ANKRD17: variants seen among roughly 807,000 people sequenced by gnomAD.
ANKRD17 encodes ankyrin repeat domain 17, also known as ankyrin repeat domain-containing protein 17.
In ANKRD17, 19 loss-of-function variants were observed where a neutral mutation model predicts 229.7. The ratio of observed to expected loss-of-function variants is 0.08; its 90% CI spans 0.06 to 0.12. The LOEUF is 0.12. Among genes scored for constraint, ANKRD17 ranks in the 10% least tolerant of loss-of-function variants. The pLI is 1.00. For missense variants in ANKRD17, 2,176 were observed against 3,176.8 expected (o/e 0.68, Z 7.57); for synonymous variants, 1,112 against 1,146.1 (o/e 0.97, Z 0.60).
chr4:73,217,765 C>T (rs1470136649), intron 1 of ANKRD17, among the ~76,000 whole-genome samples: 5 of 151,952 alleles, frequency 3.3e-5, no homozygotes, highest in African/African-American at 4.8e-5. Flanking sequence ...TTTTCATGCA[C>T]GAAACTACTA....
Position 73,221,468 on chromosome 4 carries a change from T to C in ANKRD17, c.393+36808A>G, listed in dbSNP as rs115398628. On this transcript the variant is annotated intron_variant, in intron 1 of 33. Coordinates refer to ENST00000358602, the MANE Select transcript of ANKRD17 (RefSeq NM_032217.5). Reference sequence around the variant, plus strand: ...TGAAGTTTTAAATGGCTAAGAAAAATTGTCAAATAGATTTATCAAAATCTC... The same window carrying C: ...TGAAGTTTTAAATGGCTAAGAAAAACTGTCAAATAGATTTATCAAAATCTC... 6.2e-3 allele frequency among the ~76,000 whole-genome samples: 938 copies of C among 152,124 alleles called. 11 individuals carry two copies. Among genetic ancestry groups the C allele is most frequent in the African/African-American group, 0.019 (780 of 41,510 alleles).
chr4:73,142,883 A>AT (rs1300438593), intron 11 of ANKRD17, 116 bp from the exon 12 acceptor site: 2 of 1,136,498 alleles, frequency 1.8e-6, no homozygotes, highest in East Asian at 5.4e-5. Flanking sequence ...CCACATACCC[A>AT]TTACCGAGCT....
chr4:73,130,606 A>T (rs4437217), intron 16 of ANKRD17, among the ~76,000 whole-genome samples: 53,542 of 142,060 alleles, frequency 0.38, 11,107 homozygotes, highest in Admixed American at 0.5. Flanking sequence ...TTCTATAAAG[A>T]TCTATTTTTT....
At chr4:73,138,349 CAT>C (rs776075600) in intron 15 of ANKRD17, among the ~76,000 whole-genome samples, 12 of 152,044 alleles carry the variant, frequency 7.9e-5, no homozygotes, top group Non-Finnish European at 1.5e-4. Flanking sequence ...TTTCATTCCA[CAT>C]GTTATAACTA....
In ANKRD17 at chr4:73,094,243, T is replaced by A. The variant is rs1723063677; in HGVS notation, c.5178-15A>T. ...CTTTCTTTGACCTGTTTAAAAGTTG[T>A]ATATATAAATTAAGATTAGTCATTA... On this transcript the variant is annotated splice_polypyrimidine_tract_variant and intron_variant, in intron 27 of 33. Coordinates refer to ENST00000358602, the MANE Select transcript of ANKRD17 (RefSeq NM_032217.5). The A allele has an allele frequency of 1.2e-6, 2 of 1,602,346 alleles. No individual in the cohort carries two copies. The highest frequency in any genetic ancestry group is 1.7e-6 in the Non-Finnish European group (2 of 1,171,304).
At chr4:73,183,837 G>A (rs1735911624) in intron 1 of ANKRD17, among the ~76,000 whole-genome samples, 1 of 152,042 alleles carries the variant, frequency 6.6e-6, no homozygotes, top group Admixed American at 6.5e-5. Context: ...AAAGACTAAA[G>A]GTGATGACAT....
Position 73,091,440 on chromosome 4 carries a change from C to T in ANKRD17, c.6188G>A (p.Cys2063Tyr). The T allele has an allele frequency of 6.2e-7, 1 of 1,614,194 alleles. No individual in the cohort carries two copies. Among genetic ancestry groups the T allele is most frequent in the Non-Finnish European group, 8.5e-7 (1 of 1,180,032 alleles). Residue 2063 changes from cysteine to tyrosine, a missense_variant, in exon 29 of 34, where the codon TGT (cysteine) becomes TAT (tyrosine). Transcript: ENST00000358602. ...CACTTTATTTGGAGATGCTGATCCA[C>T]AATCCAAAGGGCTGTTTCTAGAAAC... is the stretch of plus-strand genomic sequence containing the variant. ...GGVSRNSPLDCGSASPNKVAS... is the reference protein window; with the variant it reads ...GGVSRNSPLDYGSASPNKVAS...
At position 73,133,908 on chromosome 4, in the gene ANKRD17, A is replaced by T. The variant is rs577932413; in HGVS notation, c.3234+1209T>A. Among the ~76,000 whole-genome samples the T allele has an allele frequency of 9.8e-5, 15 of 152,318 alleles. No homozygotes were observed. The South Asian group carries it at 3.1e-3, about 32-fold the overall frequency. ...CCAGCCCTGCCGCTTCTTAGCCTAA[A>T]TGAAGTGACTAAACAAAATGCTTAA... On this transcript the variant is annotated intron_variant, in intron 16 of 33. Coordinates refer to ENST00000358602, the MANE Select transcript of ANKRD17 (RefSeq NM_032217.5).
chr4:73,157,724 T>G (rs1229974966), intron 3 of ANKRD17, among the ~76,000 whole-genome samples: 1 of 152,144 alleles, frequency 6.6e-6, no homozygotes, highest in Non-Finnish European at 1.5e-5. Flanking sequence ...CCAGTCTCCT[T>G]GCCTTCACAC....
At chr4:73,110,400 G>C (rs187232347) in intron 24 of ANKRD17, among the ~76,000 whole-genome samples, 3 of 152,154 alleles carry the variant, frequency 2.0e-5, no homozygotes, top group African/African-American at 4.8e-5. Context: ...TGGCCAGGCC[G>C]GATTTGAATT....
rs1269953625 is a variant in ANKRD17, at chr4:73,186,680, A to G, written c.394-9147T>C. On this transcript the variant is annotated intron_variant, in intron 1 of 33. Coordinates refer to ENST00000358602, the MANE Select transcript of ANKRD17 (RefSeq NM_032217.5). ...TTGAGTATGACATTACTAACAATTCAATATAAAATTTTTAACATAAACTTT... is the reference window on the plus strand; with the variant it reads ...TTGAGTATGACATTACTAACAATTCGATATAAAATTTTTAACATAAACTTT... Among the ~76,000 whole-genome samples the G allele has an allele frequency of 4.6e-5, 7 of 152,180 alleles. No homozygotes were observed. In the East Asian group the frequency reaches 1.3e-3, roughly 29 times the overall value.
intron 28 of ANKRD17, among the ~76,000 whole-genome samples, chr4:73,092,547 A>T (rs1330435583): frequency 6.6e-6 from 1 of 152,186 alleles, no homozygotes; most frequent in Non-Finnish European, 1.5e-5. Flanking sequence ...ATAGTAAATG[A>T]CTTATTTTTC....
intron 1 of ANKRD17, among the ~76,000 whole-genome samples, chr4:73,191,291 G>C (rs1368358842): frequency 6.7e-6 from 1 of 148,190 alleles, no homozygotes; most frequent in African/African-American, 2.5e-5. Context: ...AACTATTTTG[G>C]GAGAACAGCT....
chr4:73,101,578 T>C lies in ANKRD17; in HGVS notation c.4573+798A>G, dbSNP rs142313686. Among the ~76,000 whole-genome samples the C allele has an allele frequency of 3.5e-3, 519 of 148,046 alleles. 1 individual carries two copies. The highest frequency in any genetic ancestry group is 6.8e-3 in the South Asian group (32 of 4,736). ...TACTTGGGAGGCTAAGGTGGGAGAA[T>C]AGCTTGAACCCGGGAAACGGAGGTT... is the stretch of plus-strand genomic sequence containing the variant. On this transcript the variant is annotated intron_variant, in intron 25 of 33. Transcript: ENST00000358602.
intron 16 of ANKRD17, among the ~76,000 whole-genome samples, chr4:73,125,744 A>AG (rs1227171351): frequency 6.0e-5 from 9 of 150,194 alleles, no homozygotes; most frequent in South Asian, 2.1e-4. Flanking sequence ...AAAAAAAAAA[A>AG]AAAAAGAAAA....
In ANKRD17 at chr4:73,139,859, C is replaced by T; in HGVS notation, c.2757G>A (p.Glu919=). 1 of 1,614,212 alleles carries T rather than the reference C, an allele frequency of 6.2e-7. No individual in the cohort carries two copies. The change falls in exon 15 of 34, where the codon GAG becomes GAA. Residue 919 remains glutamate, a synonymous_variant. Transcript: ENST00000358602. ...GTGCATAGTCTCCCTCAGAAAGCTG[C>T]TCTCCAACTCCAACAGGAGTTAGTA... ...LGLLTPVGVG[E]QLSEGDYARL...
At chr4:73,106,822 T>C (rs1355444444) in intron 24 of ANKRD17, among the ~76,000 whole-genome samples, 2 of 135,016 alleles carry the variant, frequency 1.5e-5, no homozygotes, top group Non-Finnish European at 3.0e-5. Flanking sequence ...GAGGTTGCAG[T>C]GAGCCGAGAT....
intron 30 of ANKRD17, among the ~76,000 whole-genome samples, chr4:73,084,130 C>A (rs1265456538): frequency 1.3e-5 from 2 of 152,022 alleles, no homozygotes; most frequent in Non-Finnish European, 2.9e-5. Flanking sequence ...ACCTGTAATC[C>A]CAGCAGTTTG....
intron 2 of ANKRD17, among the ~76,000 whole-genome samples, chr4:73,164,934 TTAA>T (rs1733037233): frequency 6.6e-6 from 1 of 150,458 alleles, no homozygotes; most frequent in Non-Finnish European, 1.5e-5. Context: ...AATAAAATTA[TTAA>T]TATTACTAAC....
Sources: gnomAD v4.1 joint callset for allele counts (sites outside exome capture counted in the v4.1 genomes callset) on GRCh38, gnomAD v4.1.1 for gene constraint, MANE v1.5 for transcripts, NCBI Gene and HGNC (gene_info 2026-07-23, HGNC 2026-07-21) for gene names.